Variants in ATL3 observed in about 807,000 individuals in gnomAD.
ATL3 encodes the protein atlastin-3.
A neutral mutation model predicts 69.5 loss-of-function variants in ATL3; 49 were observed. That is an observed-to-expected ratio of 0.71 (90% CI 0.56 to 0.89). The LOEUF (loss-of-function observed/expected upper bound fraction) is 0.89. Ranked by LOEUF, ATL3 falls within the 40% of genes least tolerant of loss-of-function variation. The pLI is 0.00. For synonymous variants in ATL3, 214 were observed against 224.1 expected (o/e 0.95, Z 0.40); for missense variants, 606 against 645.7 (o/e 0.94, Z 0.67).
intron 1 of ATL3, among the ~76,000 whole-genome samples, chr11:63,659,489 GGT>G (rs972815594): frequency 3.3e-5 from 5 of 152,064 alleles, no homozygotes; most frequent in Non-Finnish European, 5.9e-5. Flanking sequence ...CATATGTAGT[GGT>G]GTATACCTGT....
chr11:63,662,743 T>C (rs1410119379), intron 1 of ATL3, among the ~76,000 whole-genome samples: 1 of 152,168 alleles, frequency 6.6e-6, no homozygotes, highest in Non-Finnish European at 1.5e-5. Flanking sequence ...CCTCCCAAAG[T>C]GTTGGGATTA....
intron 1 of ATL3, among the ~76,000 whole-genome samples, chr11:63,669,529 C>T (rs188346105): frequency 2.0e-5 from 3 of 151,760 alleles, no homozygotes; most frequent in Admixed American, 2.0e-4. Flanking sequence ...AGCAAGACTC[C>T]TTCTCACCAG....
chr11:63,654,752 A>C (rs2508645), intron 3 of ATL3, among the ~76,000 whole-genome samples: 1 of 141,506 alleles, frequency 7.1e-6, no homozygotes, highest in Non-Finnish European at 1.5e-5. Context: ...GCTGGAGTGC[A>C]ATGGCGCAAC....
chr11:63,652,500 C>A lies in ATL3; in HGVS notation c.481G>T (p.Ala161Ser). The part of the protein sequence containing the change: ...STVKDCATIF[A>S]LSTMTSSVQI... ...ACAGAACTAGTCATAGTGCTTAGAG[C>A]AAAGATGGTAGCACAGTCTTTCACA... is the stretch of plus-strand genomic sequence containing the variant. Residue 161 changes from alanine to serine, a missense_variant, in exon 4 of 13, where the codon GCT (alanine) becomes TCT (serine). Physicochemically the swap from Ala to Ser is moderately conservative, Grantham distance 99. Coordinates refer to ENST00000398868, the MANE Select transcript of ATL3 (RefSeq NM_015459.5). 6.2e-7 allele frequency: 1 copy of A among 1,609,030 alleles called. No homozygotes were observed. The highest frequency in any genetic ancestry group is 8.5e-7 in the Non-Finnish European group (1 of 1,176,768).
intron 8 of ATL3, among the ~76,000 whole-genome samples, chr11:63,639,145 A>G (rs749369807): frequency 5.9e-5 from 9 of 152,190 alleles, no homozygotes; most frequent in Non-Finnish European, 1.3e-4. Context: ...CAGGTCTCCT[A>G]CAATAAACTG....
intron 8 of ATL3, among the ~76,000 whole-genome samples, chr11:63,639,756 AAAAT>A (rs957875834): frequency 2.0e-5 from 3 of 152,138 alleles, no homozygotes; most frequent in South Asian, 2.1e-4. Context: ...CCCTGTCTCT[AAAAT>A]AAATAAATAA....
At chr11:63,656,345 T>A (rs1940247697) in intron 3 of ATL3, among the ~76,000 whole-genome samples, 1 of 151,510 alleles carries the variant, frequency 6.6e-6, no homozygotes, top group Non-Finnish European at 1.5e-5. Context: ...GAAAATAAAA[T>A]TTTTTTTAAT....
upstream of ATL3, chr11:63,671,395 C>A: frequency 2.0e-6 from 3 of 1,518,684 alleles, no homozygotes; most frequent in Non-Finnish European, 2.6e-6. Flanking sequence ...CGGGTGCGGG[C>A]GGGAACGAAC....
chr11:63,659,619 CA>C (rs1179132556), intron 1 of ATL3, among the ~76,000 whole-genome samples: 183 of 151,938 alleles, frequency 1.2e-3, no homozygotes, highest in African/African-American at 4.2e-3. Flanking sequence ...CTAAACAAAA[CA>C]AAAAACGGAC....
chr11:63,645,747 T>TTTATA (rs932870361), intron 6 of ATL3, among the ~76,000 whole-genome samples: 1 of 151,686 alleles, frequency 6.6e-6, no homozygotes, highest in Non-Finnish European at 1.5e-5. Flanking sequence ...GTGCACGACC[T>TTTATA]TTTTATTTTA....
intron 7 of ATL3, 116 bp downstream of exon 7, chr11:63,644,053 T>C: frequency 5.9e-6 from 4 of 673,572 alleles, no homozygotes; most frequent in African/African-American, 1.8e-5. Flanking sequence ...GATTCATATA[T>C]AGTTAATGTA....
In ATL3 at chr11:63,636,331, A is replaced by G. The variant is rs769032474; in HGVS notation, c.854T>C (p.Ile285Thr). The G allele has an allele frequency of 5.5e-5, 89 of 1,613,976 alleles. No homozygotes were observed. Among genetic ancestry groups the G allele is most frequent in the Non-Finnish European group, 7.3e-5 (86 of 1,180,016 alleles). Residue 285 changes from isoleucine to threonine, a missense_variant, in exon 9 of 13, where the codon ATT (isoleucine) becomes ACT (threonine). Coordinates refer to ENST00000398868, the MANE Select transcript of ATL3 (RefSeq NM_015459.5). ...SPDFDGKLKD[I>T]AGEFKEQLQA... is the part of the protein sequence containing the mutation. The stretch of plus-strand genomic sequence containing the variant: ...TAACTGCTCTTTGAATTCACCAGCA[A>G]TATCTGTTCACAGGACGACAAAGAA...
intron 5 of ATL3, among the ~76,000 whole-genome samples, chr11:63,649,573 C>T (rs939716077): frequency 6.6e-6 from 1 of 151,698 alleles, no homozygotes; most frequent in Middle Eastern, 3.4e-3. Context: ...ACTCTGTTGC[C>T]CAGACTGGAG....
chr11:63,629,550 G>T, intron 12 of ATL3, 145 bp from the exon 13 acceptor site: 1 of 687,590 alleles, frequency 1.5e-6, no homozygotes, highest in Non-Finnish European at 2.5e-6. Context: ...ATACAGAGAG[G>T]CTGTGGCAGC....
intron 1 of ATL3, among the ~76,000 whole-genome samples, chr11:63,666,635 C>T (rs776619678): frequency 1.2e-4 from 18 of 150,304 alleles, no homozygotes; most frequent in East Asian, 2.1e-4. Context: ...GATCGCACAC[C>T]GTGCGATCAA....
intron 5 of ATL3, among the ~76,000 whole-genome samples, 160 bp from the exon 6 acceptor site, chr11:63,646,723 T>C (rs578158941): frequency 2.0e-4 from 31 of 152,168 alleles, no homozygotes; most frequent in Non-Finnish European, 4.4e-4. Context: ...GGTTATTCCC[T>C]GCTCACATCC....
intron 8 of ATL3, among the ~76,000 whole-genome samples, chr11:63,639,162 G>A (rs1939613997): frequency 6.6e-6 from 1 of 152,120 alleles, no homozygotes; most frequent in African/African-American, 2.4e-5. Flanking sequence ...ACTGTGTGTG[G>A]TTCTCAAGCT....
chr11:63,671,600 G>A (rs1021263778), upstream of ATL3: 74 of 1,424,088 alleles, frequency 5.2e-5, no homozygotes, highest in African/African-American at 1.0e-4. Flanking sequence ...TCCCGCCACC[G>A]CCTGCCGCGT....
rs534541884 is a variant in ATL3, at chr11:63,643,255, G to A, written c.850+102C>T. ...ACTTTAAATACTACTCTTTCTAAGA[G>A]AGCATACCATTTTTCTTAAGCATTC... On this transcript the variant is annotated intron_variant, in intron 8 of 12. Coordinates refer to ENST00000398868, the MANE Select transcript of ATL3 (RefSeq NM_015459.5). 3.9e-6 allele frequency: 5 copies of A among 1,266,820 alleles called. 1 individual carries two copies. Among genetic ancestry groups the A allele is most frequent in the Middle Eastern group, 4.1e-4 (2 of 4,874 alleles). 78.5% of individuals were successfully genotyped at this position (1,266,820 alleles called of 1,614,324 possible). A position where few individuals can be genotyped will look rare whatever the true frequency, so the allele number is the denominator to read the frequency against.
Sources: allele counts gnomAD v4.1 joint callset (sites outside exome capture counted in the v4.1 genomes callset), GRCh38; gene constraint gnomAD v4.1.1; transcripts MANE v1.5; gene names NCBI Gene and HGNC (gene_info 2026-07-23, HGNC 2026-07-21).